SGSM1: variants seen among roughly 807,000 people sequenced by gnomAD.
SGSM1 encodes the protein RUN and TBC1 domain containing 2.
A neutral mutation model predicts 133.8 loss-of-function variants in SGSM1; 73 were observed. That is an observed-to-expected ratio of 0.55 (90% CI 0.45 to 0.66). The LOEUF is 0.66. Among genes scored for constraint, SGSM1 ranks in the 30% least tolerant of loss-of-function variants. SGSM1 has a pLI of 0.00. For missense variants in SGSM1, 1,213 were observed against 1,448.1 expected (o/e 0.84, Z 2.64); for synonymous variants, 563 against 573.0 (o/e 0.98, Z 0.25).
At chr22:24,859,229 GA>G (rs1930981874) in intron 8 of SGSM1, among the ~76,000 whole-genome samples, 1 of 152,202 alleles carries the variant, frequency 6.6e-6, no homozygotes, top group Non-Finnish European at 1.5e-5. Context: ...ATCTAGGGGA[GA>G]AAAGGGACCG....
At chr22:24,857,954 G>A (rs1174436967) in intron 8 of SGSM1, among the ~76,000 whole-genome samples, 1 of 152,116 alleles carries the variant, frequency 6.6e-6, no homozygotes, top group Non-Finnish European at 1.5e-5. Context: ...TTGCAAGAAT[G>A]TCCACTCTCA....
At chr22:24,835,045 C>A (rs1251270284) in intron 2 of SGSM1, among the ~76,000 whole-genome samples, 1 of 152,158 alleles carries the variant, frequency 6.6e-6, no homozygotes, top group Non-Finnish European at 1.5e-5. Context: ...CCTCCTCCCC[C>A]TCCTTTCCTC....
chr22:24,885,470 G>C (rs1423372301), intron 15 of SGSM1, among the ~76,000 whole-genome samples: 2 of 119,152 alleles, frequency 1.7e-5, no homozygotes, highest in African/African-American at 6.7e-5. Flanking sequence ...ATGGAGTCTC[G>C]CTCTGTCACC....
intron 13 of SGSM1, among the ~76,000 whole-genome samples, chr22:24,878,882 T>C (rs1932168647): frequency 6.6e-6 from 1 of 152,178 alleles, no homozygotes; most frequent in Non-Finnish European, 1.5e-5. Context: ...AAAAGGAAAT[T>C]TGTTGGTGTA....
chr22:24,832,380 C>T (rs1220056078), intron 2 of SGSM1, among the ~76,000 whole-genome samples: 1 of 152,234 alleles, frequency 6.6e-6, no homozygotes, highest in African/African-American at 2.4e-5. Flanking sequence ...TAGTCATTGG[C>T]TGAAGCTTCT....
chr22:24,856,997 T>C (rs1802854937), intron 8 of SGSM1, among the ~76,000 whole-genome samples: 1 of 152,084 alleles, frequency 6.6e-6, no homozygotes, highest in Admixed American at 6.5e-5. Flanking sequence ...ATCAATCTCC[T>C]GACCTTGTGA....
chr22:24,809,914 GC>G (rs1927633912), intron 2 of SGSM1, among the ~76,000 whole-genome samples: 1 of 152,200 alleles, frequency 6.6e-6, no homozygotes, highest in South Asian at 2.1e-4. Flanking sequence ...GAAGACAGGT[GC>G]AAGATGAGTA....
intron 2 of SGSM1, among the ~76,000 whole-genome samples, chr22:24,840,669 C>T (rs1440586366): frequency 6.6e-6 from 1 of 151,810 alleles, no homozygotes; most frequent in Non-Finnish European, 1.5e-5. Flanking sequence ...CTTCTTTCTG[C>T]TAGCTGTGGA....
At chr22:24,875,383 A>C (rs935707215) in intron 12 of SGSM1, among the ~76,000 whole-genome samples, 8 of 152,226 alleles carry the variant, frequency 5.3e-5, no homozygotes, top group African/African-American at 1.9e-4. Context: ...TTATTAGAAC[A>C]TGTGCATGCT....
chr22:24,893,490 G>A lies in SGSM1; in HGVS notation c.1830G>A (p.Glu610=), dbSNP rs1932850416. 6.2e-7 allele frequency: 1 copy of A among 1,613,852 alleles called. No homozygotes were observed. Among genetic ancestry groups the A allele is most frequent in the East Asian group, 2.2e-5 (1 of 44,870 alleles). The change falls in exon 17 of 25, where the codon GAG becomes GAA. Residue 610 remains glutamate, a synonymous_variant. Transcript: ENST00000400358. ...CCATGGCTGAGTGGCTGGGCTGCGA[G>A]GCGATCGTGCGGCAGAGGGAGCGGG... ...AQTMAEWLGC[E]AIVRQRERES... is the part of the protein sequence containing the mutation.
chr22:24,850,287 C>T lies in SGSM1; in HGVS notation c.310C>T (p.Gln104Ter). ...LEQLIESARN[Q>*]IQGLQENVRK... is the part of the protein sequence containing the mutation. ...CTTTTATTGGTCTTGAAGGAGAAACCAGATTCAAGGCCTCCAGGAGAATGT... is the reference window on the plus strand; with the variant it reads ...CTTTTATTGGTCTTGAAGGAGAAACTAGATTCAAGGCCTCCAGGAGAATGT... The change falls in exon 5 of 25, where the codon CAG becomes TAG. Residue 104 changes from glutamine (Q) to a stop codon, truncating the protein, a stop_gained. Transcript: ENST00000400358. LOFTEE classifies it high-confidence loss of function. 1 of 1,594,520 alleles carries T rather than the reference C, an allele frequency of 6.3e-7. No homozygotes were observed. The highest frequency in any genetic ancestry group is 8.5e-7 in the Non-Finnish European group (1 of 1,170,612).
chr22:24,859,701 C>T lies in SGSM1; in HGVS notation c.802-15C>T, dbSNP rs374936676. 3.2e-5 allele frequency: 52 copies of T among 1,613,494 alleles called. No individual in the cohort carries two copies. In the African/African-American group the frequency reaches 5.9e-4, roughly 18 times the overall value. On this transcript the variant is annotated splice_polypyrimidine_tract_variant and intron_variant, in intron 8 of 24. Transcript: ENST00000400358. Reference sequence around the variant, plus strand: ...CCAGCACCATGGCCAGACCTGAGTCCTCCTCTCTCTGCAGAGGGACGACAT... The same window carrying T: ...CCAGCACCATGGCCAGACCTGAGTCTTCCTCTCTCTGCAGAGGGACGACAT...
At position 24,926,010 on chromosome 22, in the gene SGSM1, C is replaced by T. The variant is rs1302385427; in HGVS notation, c.*1736C>T. On this transcript the variant is annotated 3_prime_UTR_variant, in exon 25 of 25. Coordinates refer to ENST00000400358, the MANE Select transcript of SGSM1 (RefSeq NM_001098497.3). Reference sequence around the variant, plus strand: ...AAGCAGCAGAGAGAAAGGCTCTTCCCGGGAGACCTGCCGCCTCTAGGGTGG... The same window carrying T: ...AAGCAGCAGAGAGAAAGGCTCTTCCTGGGAGACCTGCCGCCTCTAGGGTGG... 2 of 152,206 alleles carry T rather than the reference C, an allele frequency of 1.3e-5. No homozygotes were observed. Among genetic ancestry groups the T allele is most frequent in the Non-Finnish European group, 1.5e-5 (1 of 68,076 alleles). 9.4% of individuals were successfully genotyped at this position (152,206 alleles called of 1,614,324 possible). A position where few individuals can be genotyped will look rare whatever the true frequency, so the allele number is the denominator to read the frequency against.
intron 2 of SGSM1, among the ~76,000 whole-genome samples, chr22:24,807,168 G>C (rs752708354): frequency 6.6e-6 from 1 of 152,070 alleles, no homozygotes; most frequent in Non-Finnish European, 1.5e-5. Context: ...GGGCAGTCTA[G>C]TCTTTAGGGC....
At chr22:24,899,544 A>C in intron 19 of SGSM1, among the ~76,000 whole-genome samples, 1 of 143,336 alleles carries the variant, frequency 7.0e-6, no homozygotes, top group Non-Finnish European at 1.5e-5. Context: ...TTTAATTGAG[A>C]CAGGGTCTCG....
chr22:24,877,589 A>AT (rs1389845231), intron 13 of SGSM1, among the ~76,000 whole-genome samples: 1 of 151,586 alleles, frequency 6.6e-6, no homozygotes, highest in Admixed American at 6.6e-5. Context: ...CAGCCATAGG[A>AT]TATAAGGGGT....
At chr22:24,807,066 C>T (rs905821633) in intron 2 of SGSM1, among the ~76,000 whole-genome samples, 35 of 152,240 alleles carry the variant, frequency 2.3e-4, no homozygotes, top group African/African-American at 8.4e-4. Flanking sequence ...CCCCCCGCCC[C>T]ACTCCCACCC....
chr22:24,858,044 A>G (rs533841136), intron 8 of SGSM1, among the ~76,000 whole-genome samples: 2 of 152,274 alleles, frequency 1.3e-5, no homozygotes, highest in East Asian at 3.9e-4. Flanking sequence ...TGGTGTGATC[A>G]TGGCTCACTG....
At chr22:24,881,591 C>CAAAAA (rs534010178) in intron 14 of SGSM1, among the ~76,000 whole-genome samples, 210 of 150,046 alleles carry the variant, frequency 1.4e-3, no homozygotes, top group Non-Finnish European at 2.5e-3. Context: ...CAAAACAAAA[C>CAAAAA]AAAAAAAACC....
Sources: allele counts gnomAD v4.1 joint callset (sites outside exome capture counted in the v4.1 genomes callset), GRCh38; gene constraint gnomAD v4.1.1; transcripts MANE v1.5; gene names NCBI Gene and HGNC (gene_info 2026-07-23, HGNC 2026-07-21).